CNTNAP2: variants seen among roughly 807,000 people sequenced by gnomAD.
CNTNAP2 encodes the protein contactin-associated protein-like 2.
Under a neutral mutation model 155.2 loss-of-function variants are expected in CNTNAP2, and 98 were observed. The observed-to-expected ratio is 0.63, with a 90% CI of 0.54 to 0.75. The LOEUF (loss-of-function observed/expected upper bound fraction) is 0.75, where lower values mean the gene tolerates loss of function less well. Among genes scored for constraint, CNTNAP2 ranks in the 30% least tolerant of loss-of-function variants. CNTNAP2 has a pLI of 0.00. For missense variants in CNTNAP2, 1,727 were observed against 1,688.1 expected, an observed-to-expected ratio of 1.02 and a Z score of -0.40; for synonymous variants, 651 against 631.2, an observed-to-expected ratio of 1.03 and a Z score of -0.47.
intron 21 of CNTNAP2, among the ~76,000 whole-genome samples, chr7:148,349,700 C>T (rs1320850603): frequency 6.6e-6 from 1 of 152,128 alleles, no homozygotes; most frequent in Non-Finnish European, 1.5e-5. Context: ...CGCGCCAGGC[C>T]AAAATCTCAT....
At chr7:147,783,743 T>A (rs1797691400) in intron 13 of CNTNAP2, among the ~76,000 whole-genome samples, 2 of 152,294 alleles carry the variant, frequency 1.3e-5, no homozygotes, top group African/African-American at 4.8e-5. Context: ...AGTGCCCTTA[T>A]AAAAGAGACC....
At chr7:147,291,936 A>AT (rs1024546079) in intron 8 of CNTNAP2, among the ~76,000 whole-genome samples, 2 of 152,146 alleles carry the variant, frequency 1.3e-5, no homozygotes, top group Non-Finnish European at 2.9e-5. Flanking sequence ...ACTTCTGCCC[A>AT]TTTTTTCCAG....
chr7:147,560,262 G>T (rs2116784888), intron 11 of CNTNAP2, among the ~76,000 whole-genome samples: 1 of 151,160 alleles, frequency 6.6e-6, no homozygotes, highest in African/African-American at 2.4e-5. Flanking sequence ...CTTTCAACTG[G>T]CAGCCTATAG....
chr7:148,072,657 G>C (rs1803402704), intron 15 of CNTNAP2, among the ~76,000 whole-genome samples: 1 of 152,142 alleles, frequency 6.6e-6, no homozygotes, highest in Non-Finnish European at 1.5e-5. Flanking sequence ...CAGGTTTTCT[G>C]ACCCTCAGCA....
intron 14 of CNTNAP2, among the ~76,000 whole-genome samples, chr7:147,927,884 C>T (rs944517380): frequency 6.6e-6 from 1 of 152,154 alleles, no homozygotes; most frequent in Non-Finnish European, 1.5e-5. Flanking sequence ...GGACTACCTA[C>T]CGATTATCAA....
intron 1 of CNTNAP2, among the ~76,000 whole-genome samples, chr7:146,618,653 A>T (rs1336891319): frequency 6.6e-6 from 1 of 152,236 alleles, no homozygotes; most frequent in African/African-American, 2.4e-5. Flanking sequence ...GCAGAATGTT[A>T]GTTCATTTAA....
intron 1 of CNTNAP2, among the ~76,000 whole-genome samples, chr7:146,436,404 T>C (rs1309197076): frequency 6.6e-6 from 1 of 152,212 alleles, no homozygotes; most frequent in Admixed American, 6.5e-5. Flanking sequence ...ATTTTTCACA[T>C]GTATATTAGA....
At chr7:146,664,440 C>T (rs1266592340) in intron 1 of CNTNAP2, among the ~76,000 whole-genome samples, 3 of 152,046 alleles carry the variant, frequency 2.0e-5, no homozygotes, top group Admixed American at 6.6e-5. Flanking sequence ...GGATTACCGG[C>T]GTGACCCACC....
intron 8 of CNTNAP2, among the ~76,000 whole-genome samples, chr7:147,134,529 A>G (rs115999392): frequency 1.3e-5 from 2 of 151,764 alleles, no homozygotes; most frequent in South Asian, 2.1e-4. Context: ...ACAGACATAC[A>G]TACACACATA....
At chr7:146,293,205 G>A (rs1800460182) in intron 1 of CNTNAP2, among the ~76,000 whole-genome samples, 2 of 152,096 alleles carry the variant, frequency 1.3e-5, no homozygotes, top group Admixed American at 1.3e-4. Context: ...TAGATGACAA[G>A]CACAATAACT....
At chr7:146,711,434 A>G (rs10275913) in intron 1 of CNTNAP2, among the ~76,000 whole-genome samples, 7,763 of 147,514 alleles carry the variant, frequency 0.053, 320 homozygotes, top group African/African-American at 0.11. Context: ...TATATACTAT[A>G]TAGGTATATA....
chr7:146,841,518 A>G (rs1803723531), intron 3 of CNTNAP2, among the ~76,000 whole-genome samples: 1 of 152,108 alleles, frequency 6.6e-6, no homozygotes, highest in South Asian at 2.1e-4. Flanking sequence ...TGGTTTCTAA[A>G]CTAAGATCAA....
intron 9 of CNTNAP2, among the ~76,000 whole-genome samples, chr7:147,310,740 T>C (rs528065425): frequency 6.6e-6 from 1 of 152,222 alleles, no homozygotes; most frequent in East Asian, 1.9e-4. Context: ...TTAAAAAAAA[T>C]TCAAAGAGAC....
At position 146,352,263 on chromosome 7, in the gene CNTNAP2, TTAAAA is replaced by T. The variant is rs1794926266; in HGVS notation, c.97+235294_97+235298del. Among the ~76,000 whole-genome samples the T allele has an allele frequency of 2.0e-5, 3 of 152,220 alleles. No individual in the cohort carries two copies. The South Asian group carries it at 6.2e-4, about 32-fold the overall frequency. On this transcript the variant is annotated intron_variant, in intron 1 of 23. Coordinates refer to ENST00000361727, the MANE Select transcript of CNTNAP2 (RefSeq NM_014141.6). ...AATTTTTGTATAAATATAGCTGGAA[TTAAAA>T]TAATTACATAAAACAATGTTTTTAA...
At position 147,153,236 on chromosome 7, in the gene CNTNAP2, A is replaced by T. The variant is rs138630040; in HGVS notation, c.1348+20727A>T. ...GCCTACTGTGTTCTGGGCATATAAT[A>T]TAAATTGGGGAACAAAAAGCTTTCT... On this transcript the variant is annotated intron_variant, in intron 8 of 23. Coordinates refer to ENST00000361727, the MANE Select transcript of CNTNAP2 (RefSeq NM_014141.6). Among the ~76,000 whole-genome samples the T allele has an allele frequency of 1.9e-3, 296 of 152,304 alleles. 4 individuals carry two copies. The East Asian group carries it at 0.042, about 22-fold the overall frequency.
At chr7:147,317,741 C>T (rs923655794) in intron 9 of CNTNAP2, among the ~76,000 whole-genome samples, 2 of 151,328 alleles carry the variant, frequency 1.3e-5, no homozygotes, top group East Asian at 1.9e-4. Flanking sequence ...ACCTCACTGT[C>T]GCTTAAACTT....
In CNTNAP2 at chr7:147,351,088, C is replaced by T. The variant is rs564238475; in HGVS notation, c.1499-44521C>T. Among the ~76,000 whole-genome samples, 51 of 151,818 alleles carry T rather than the reference C, an allele frequency of 3.4e-4. No homozygotes were observed. The South Asian group carries it at 0.01, about 30-fold the overall frequency. On this transcript the variant is annotated intron_variant, in intron 9 of 23. Coordinates refer to ENST00000361727, the MANE Select transcript of CNTNAP2 (RefSeq NM_014141.6). ...TTGGAGTCAGTGATTATCTTTGGCT[C>T]TATACCAAAAACTTCAGGTATTTTT... is the stretch of plus-strand genomic sequence containing the variant.
intron 13 of CNTNAP2, among the ~76,000 whole-genome samples, chr7:147,824,400 C>A (rs1344707325): frequency 6.6e-6 from 1 of 152,078 alleles, no homozygotes; most frequent in Non-Finnish European, 1.5e-5. Context: ...TCATTCAAGT[C>A]CACGGTAGAG....
At chr7:148,112,869 A>G (rs11979166) in intron 15 of CNTNAP2, among the ~76,000 whole-genome samples, 1 of 138,720 alleles carries the variant, frequency 7.2e-6, no homozygotes, top group Admixed American at 7.3e-5. Flanking sequence ...TTTTTTTTTT[A>G]AAAAAAAATA....
Sources: gnomAD v4.1 joint callset for allele counts (sites outside exome capture counted in the v4.1 genomes callset) on GRCh38, gnomAD v4.1.1 for gene constraint, MANE v1.5 for transcripts, NCBI Gene and HGNC (gene_info 2026-07-23, HGNC 2026-07-21) for gene names.